The following RPH3A variants were observed in gnomAD, a reference collection of about 807,000 sequenced individuals.
RPH3A encodes the protein rabphilin 3A, also known as rabphilin-3A.
RPH3A carries 48 observed loss-of-function variants against 102.2 expected under a neutral mutation model. The ratio of observed to expected loss-of-function variants is 0.47; its 90% CI spans 0.37 to 0.60. RPH3A has a LOEUF of 0.60. Ranked by LOEUF, RPH3A falls within the 20% of genes least tolerant of loss-of-function variation. The probability of loss-of-function intolerance (pLI) is 0.00; values close to 1 mark genes in which losing one functional copy is unlikely to be tolerated. For synonymous variants in RPH3A, 310 were observed against 324.3 expected, an observed-to-expected ratio of 0.96 and a Z score of 0.47; for missense variants, 781 against 910.1, an observed-to-expected ratio of 0.86 and a Z score of 1.83.
chr12:112,862,941 G>A (rs1177386565), intron 5 of RPH3A, among the ~76,000 whole-genome samples: 2 of 151,788 alleles, frequency 1.3e-5, no homozygotes, highest in Non-Finnish European at 2.9e-5. Flanking sequence ...CCCCTGCCAT[G>A]TATGTACACA....
chr12:112,832,075 T>C (rs540357737), intron 3 of RPH3A, among the ~76,000 whole-genome samples: 1 of 152,336 alleles, frequency 6.6e-6, no homozygotes, highest in Admixed American at 6.5e-5. Flanking sequence ...GGAATCTGAT[T>C]AGATAAATAT....
intron 15 of RPH3A, among the ~76,000 whole-genome samples, chr12:112,882,994 C>T (rs2042941560): frequency 6.6e-6 from 1 of 152,144 alleles, no homozygotes; most frequent in African/African-American, 2.4e-5. Context: ...TCTCCCTGAC[C>T]TATAAATGAT....
intron 1 of RPH3A, among the ~76,000 whole-genome samples, chr12:112,725,489 G>C (rs186774860): frequency 2.0e-5 from 3 of 152,076 alleles, no homozygotes; most frequent in African/African-American, 7.2e-5. Context: ...AGTGTGAATC[G>C]TGGTAGACAC....
intron 3 of RPH3A, among the ~76,000 whole-genome samples, chr12:112,829,536 T>C (rs2041934721): frequency 6.6e-6 from 1 of 152,206 alleles, no homozygotes; most frequent in Non-Finnish European, 1.5e-5. Context: ...CCTCCCAAAG[T>C]GCTGGGATTA....
chr12:112,697,502 G>A (rs2040360855), intron 1 of RPH3A, among the ~76,000 whole-genome samples: 1 of 152,126 alleles, frequency 6.6e-6, no homozygotes, highest in Non-Finnish European at 1.5e-5. Context: ...CCATACTATG[G>A]GTCGGAAGAC....
At chr12:112,617,552 G>C (rs981806749) in intron 1 of RPH3A, among the ~76,000 whole-genome samples, 1 of 152,216 alleles carries the variant, frequency 6.6e-6, no homozygotes, top group Non-Finnish European at 1.5e-5. Context: ...GTGAACAGCT[G>C]CTGTCCTCCA....
At chr12:112,880,763 A>G (rs1445039413) in intron 14 of RPH3A, among the ~76,000 whole-genome samples, 1 of 152,252 alleles carries the variant, frequency 6.6e-6, no homozygotes, top group Non-Finnish European at 1.5e-5. Flanking sequence ...CTGACAACAT[A>G]AACAATCAAT....
intron 1 of RPH3A, among the ~76,000 whole-genome samples, chr12:112,583,438 T>C (rs936980245): frequency 2.6e-5 from 4 of 152,150 alleles, no homozygotes; most frequent in Non-Finnish European, 5.9e-5. Flanking sequence ...TCTGAAGCAC[T>C]GTATTCCTCT....
intron 1 of RPH3A, among the ~76,000 whole-genome samples, chr12:112,777,447 A>G (rs1230912443): frequency 6.6e-6 from 1 of 152,220 alleles, no homozygotes. Flanking sequence ...TTGTGAATGC[A>G]GACGCCACTG....
chr12:112,658,745 C>T (rs1394328770), intron 1 of RPH3A, among the ~76,000 whole-genome samples: 2 of 152,150 alleles, frequency 1.3e-5, no homozygotes, highest in Non-Finnish European at 2.9e-5. Flanking sequence ...AAATGTTTTG[C>T]TGTATCTGTA....
At chr12:112,767,108 T>C (rs552661816) in intron 1 of RPH3A, among the ~76,000 whole-genome samples, 43 of 152,270 alleles carry the variant, frequency 2.8e-4, no homozygotes, top group South Asian at 2.1e-4. Flanking sequence ...CATGCAAAGA[T>C]GGCAAAGACA....
chr12:112,815,967 G>A (rs942054707), intron 2 of RPH3A, among the ~76,000 whole-genome samples: 1 of 152,188 alleles, frequency 6.6e-6, no homozygotes, highest in Non-Finnish European at 1.5e-5. Context: ...AGAGTGTTCT[G>A]TTGAACGATG....
At chr12:112,594,185 AG>A (rs1188034727) in intron 1 of RPH3A, among the ~76,000 whole-genome samples, 5 of 152,226 alleles carry the variant, frequency 3.3e-5, no homozygotes, top group African/African-American at 1.2e-4. Context: ...TTGTACAAAA[AG>A]GGTGCTTGAT....
In RPH3A at chr12:112,667,724, T is replaced by G. The variant is rs944964039; in HGVS notation, c.-140+92405T>G. On this transcript the variant is annotated intron_variant, in intron 1 of 21. Transcript: ENST00000543106. Reference sequence around the variant, plus strand: ...AGAGAGAGAGAGAGAGAGAGAGAAATTACTGGAACACAGAAGGAGAGAATT... The same window carrying G: ...AGAGAGAGAGAGAGAGAGAGAGAAAGTACTGGAACACAGAAGGAGAGAATT... Among the ~76,000 whole-genome samples the G allele has an allele frequency of 4.4e-4, 46 of 103,400 alleles. 1 individual carries two copies. Among genetic ancestry groups the G allele is most frequent in the African/African-American group, 1.6e-3 (42 of 26,582 alleles). The allele number at this position is 103,400 out of a possible 152,430, so 67.8% of individuals were successfully genotyped here.
chr12:112,808,428 T>TG (rs1279194784), intron 2 of RPH3A, among the ~76,000 whole-genome samples: 1 of 152,174 alleles, frequency 6.6e-6, no homozygotes, highest in Non-Finnish European at 1.5e-5. Flanking sequence ...GGGCCGCTGG[T>TG]GGAAGAGCAA....
chr12:112,713,048 TC>T (rs2040487603), intron 1 of RPH3A, among the ~76,000 whole-genome samples: 1 of 72,358 alleles, frequency 1.4e-5, no homozygotes, highest in African/African-American at 6.5e-5. Context: ...TTCTTCTTCT[TC>T]TCCTTCTTCT....
chr12:112,622,106 GA>G (rs1332454390), intron 1 of RPH3A, among the ~76,000 whole-genome samples: 2 of 144,230 alleles, frequency 1.4e-5, no homozygotes, highest in African/African-American at 5.3e-5. Flanking sequence ...CAAAGATGGG[GA>G]AAAAACAGAA....
chr12:112,587,319 G>A (rs2039446494), intron 1 of RPH3A, among the ~76,000 whole-genome samples: 1 of 152,228 alleles, frequency 6.6e-6, no homozygotes, highest in African/African-American at 2.4e-5. Flanking sequence ...AGTGTGCAAA[G>A]GCAAGTTCAT....
At chr12:112,809,846 T>C (rs1450341940) in intron 2 of RPH3A, among the ~76,000 whole-genome samples, 1 of 152,100 alleles carries the variant, frequency 6.6e-6, no homozygotes, top group Non-Finnish European at 1.5e-5. Flanking sequence ...ACTAAAAGTG[T>C]CTCCAGAAAC....
Sources: allele counts gnomAD v4.1 joint callset (sites outside exome capture counted in the v4.1 genomes callset), GRCh38; gene constraint gnomAD v4.1.1; transcripts MANE v1.5; gene names NCBI Gene and HGNC (gene_info 2026-07-23, HGNC 2026-07-21).